Variants in STK31 observed in about 807,000 individuals in gnomAD.
STK31 encodes the protein serine/threonine-protein kinase 31.
A neutral mutation model predicts 129.7 loss-of-function variants in STK31; 89 were observed. That is an observed-to-expected ratio of 0.69 (90% CI 0.58 to 0.82). The LOEUF is 0.82. Ranked by LOEUF, STK31 falls within the 40% of genes least tolerant of loss-of-function variation. STK31 has a pLI of 0.00. For synonymous variants in STK31, 448 were observed against 395.3 expected (o/e 1.13, Z -1.58); for missense variants, 1,187 against 1,176.4 (o/e 1.01, Z -0.13).
intron 22 of STK31, among the ~76,000 whole-genome samples, chr7:23,796,232 T>G (rs74419475): frequency 6.6e-6 from 1 of 152,160 alleles, no homozygotes; most frequent in Admixed American, 6.5e-5. Flanking sequence ...TATGCCTGCA[T>G]GTATATTTAA....
At chr7:23,778,734 A>G (rs893565430) in intron 15 of STK31, among the ~76,000 whole-genome samples, 46 of 152,048 alleles carry the variant, frequency 3.0e-4, no homozygotes, top group Admixed American at 2.9e-3. Context: ...CAATTCGTCT[A>G]ACCTTTTTTC....
Position 23,832,266 on chromosome 7 carries a change from C to T in STK31, c.2960C>T (p.Thr987Ile), listed in dbSNP as rs764510595. ...TCAGTTCCAAACCCAGAAAAAGATA[C>T]TGAATACACCCTATATAAAAAGGAA... ...EQSVPNPEKD[T>I]EYTLYKKEEE... Residue 987 changes from threonine (T) to isoleucine (I), a missense_variant, in exon 24 of 24, where the codon ACT (threonine) becomes ATT (isoleucine). Coordinates refer to ENST00000355870, the MANE Select transcript of STK31 (RefSeq NM_031414.5). 3.7e-6 allele frequency: 6 copies of T among 1,613,840 alleles called. No individual in the cohort carries two copies. In the South Asian group the frequency reaches 4.4e-5, roughly 12 times the overall value.
At chr7:23,821,563 T>C (rs1047290945) in intron 23 of STK31, among the ~76,000 whole-genome samples, 4 of 152,216 alleles carry the variant, frequency 2.6e-5, no homozygotes, top group African/African-American at 9.6e-5. Context: ...CTGTGTTGGA[T>C]GAATAGTTTG....
At chr7:23,810,136 T>C (rs1452375304) in intron 22 of STK31, among the ~76,000 whole-genome samples, 1 of 152,188 alleles carries the variant, frequency 6.6e-6, no homozygotes, top group Admixed American at 6.6e-5. Flanking sequence ...ATTGATACTT[T>C]TATCATTATG....
chr7:23,773,179 T>A (rs1329940193), intron 15 of STK31, among the ~76,000 whole-genome samples: 2 of 152,142 alleles, frequency 1.3e-5, no homozygotes, highest in Non-Finnish European at 2.9e-5. Flanking sequence ...TTTCTCCTAA[T>A]GCTATTCCTC....
At chr7:23,752,957 AAG>A (rs1321051085) in intron 9 of STK31, 125 bp downstream of exon 9, 43 of 636,454 alleles carry the variant, frequency 6.8e-5, no homozygotes, top group Non-Finnish European at 1.0e-4. Flanking sequence ...TATGACTTCA[AAG>A]AGAGAAAGAT....
intron 10 of STK31, among the ~76,000 whole-genome samples, chr7:23,759,721 C>T (rs1054099741): frequency 6.6e-6 from 1 of 152,202 alleles, no homozygotes; most frequent in Non-Finnish European, 1.5e-5. Flanking sequence ...AACTGTGTTA[C>T]TAGGCAACAT....
intron 15 of STK31, among the ~76,000 whole-genome samples, chr7:23,778,269 T>C (rs1790685797): frequency 6.6e-6 from 1 of 152,180 alleles, no homozygotes; most frequent in African/African-American, 2.4e-5. Context: ...TCCCTTAACA[T>C]TTTTTCCTTC....
intron 22 of STK31, among the ~76,000 whole-genome samples, chr7:23,810,761 TA>T (rs1456386760): frequency 7.6e-6 from 1 of 131,190 alleles, no homozygotes; most frequent in African/African-American, 3.1e-5. Context: ...ATATAATATA[TA>T]ATATATAAAT....
At chr7:23,744,654 G>A (rs6957789) in intron 8 of STK31, among the ~76,000 whole-genome samples, 3,995 of 152,240 alleles carry the variant, frequency 0.026, 164 homozygotes, top group African/African-American at 0.09. Flanking sequence ...GGGCCCTTTG[G>A]CTTTAATTCT....
chr7:23,767,640 T>A (rs1356124686), intron 11 of STK31, among the ~76,000 whole-genome samples: 1 of 152,174 alleles, frequency 6.6e-6, no homozygotes, highest in Non-Finnish European at 1.5e-5. Context: ...GGCCAGCTCT[T>A]CTGTATTGGT....
At chr7:23,754,506 T>C (rs779918551) in intron 10 of STK31, 32 bp downstream of exon 10, 1 of 1,581,634 alleles carries the variant, frequency 6.3e-7, no homozygotes, top group Non-Finnish European at 8.6e-7. Flanking sequence ...ATTGTGGTTT[T>C]TATCTGTTGA....
chr7:23,755,303 G>A (rs182658529), intron 10 of STK31: 1 of 152,118 alleles, frequency 6.6e-6, no homozygotes, highest in Non-Finnish European at 1.5e-5. Context: ...CTTCTTTTGA[G>A]AAGTGCCTCT....
upstream of STK31, chr7:23,710,142 C>G (rs767187535): frequency 7.7e-6 from 11 of 1,437,826 alleles, no homozygotes; most frequent in Non-Finnish European, 1.0e-5. Context: ...AGGCGGCAGG[C>G]CGTGGCTGCC....
chr7:23,710,530 C>G, intron 1 of STK31, 195 bp downstream of exon 1: 1 of 1,440,562 alleles, frequency 6.9e-7, no homozygotes, highest in South Asian at 1.4e-5. Context: ...GAAAGTGGCT[C>G]GAAAAGACCT....
Position 23,790,793 on chromosome 7 carries a change from A to G in STK31, c.2638-31A>G, listed in dbSNP as rs773116567. 6 of 1,559,710 alleles carry G rather than the reference A, an allele frequency of 3.8e-6. No individual in the cohort carries two copies. The South Asian group carries it at 6.2e-5, about 16-fold the overall frequency. On this transcript the variant is annotated intron_variant, in intron 21 of 23. Transcript: ENST00000355870. ...CAGAAAGTCACCTCAACTGTGTTGT[A>G]TCTGAAATATGTAAAATATTGTTTT... is the stretch of plus-strand genomic sequence containing the variant.
intron 4 of STK31, chr7:23,721,878 G>A (rs1336628272): frequency 4.5e-6 from 2 of 444,100 alleles, no homozygotes; most frequent in Non-Finnish European, 8.4e-6. Context: ...AGCTACTGAA[G>A]CTTGTGCATG....
intron 8 of STK31, among the ~76,000 whole-genome samples, chr7:23,743,944 G>A (rs1038627284): frequency 2.6e-5 from 4 of 151,432 alleles, no homozygotes; most frequent in African/African-American, 9.7e-5. Flanking sequence ...TTTTGAGGCA[G>A]GGTTTTGTTT....
intron 11 of STK31, among the ~76,000 whole-genome samples, chr7:23,768,361 G>A (rs1365612983): frequency 1.3e-5 from 2 of 152,166 alleles, no homozygotes; most frequent in Non-Finnish European, 2.9e-5. Flanking sequence ...ATTGCCTCAC[G>A]ATGCATTTCT....
Sources: allele counts gnomAD v4.1 joint callset (sites outside exome capture counted in the v4.1 genomes callset), GRCh38; gene constraint gnomAD v4.1.1; transcripts MANE v1.5; gene names NCBI Gene and HGNC (gene_info 2026-07-23, HGNC 2026-07-21).